The following KLHL32 variants were observed in gnomAD, a reference collection of about 807,000 sequenced individuals.
The protein encoded by KLHL32 is kelch like family member 32, also known as kelch-like protein 32.
A neutral mutation model predicts 64.8 loss-of-function variants in KLHL32; 35 were observed. The observed-to-expected ratio is 0.54, with a 90% confidence interval of 0.41 to 0.72. The LOEUF is 0.72. Ranked by LOEUF, KLHL32 falls within the 30% of genes least tolerant of loss-of-function variation. The pLI is 0.00. For missense variants in KLHL32, 589 were observed against 768.5 expected (o/e 0.77, Z 2.76); for synonymous variants, 259 against 281.0 (o/e 0.92, Z 0.78).
intron 1 of KLHL32, among the ~76,000 whole-genome samples, chr6:96,930,400 A>G (rs1769714616): frequency 6.6e-6 from 1 of 152,216 alleles, no homozygotes; most frequent in African/African-American, 2.4e-5. Context: ...GTCCAGTTAC[A>G]TATCCCCTCT....
intron 4 of KLHL32, among the ~76,000 whole-genome samples, chr6:97,045,886 C>T (rs753259442): frequency 2.0e-5 from 3 of 152,048 alleles, no homozygotes; most frequent in Non-Finnish European, 2.9e-5. Flanking sequence ...ATCCCATTGC[C>T]CAGGAGTCAT....
At chr6:97,028,370 C>T (rs771228841) in intron 3 of KLHL32, among the ~76,000 whole-genome samples, 2 of 152,180 alleles carry the variant, frequency 1.3e-5, no homozygotes, top group Non-Finnish European at 1.5e-5. Context: ...TTCTTACACA[C>T]ACCCAGCACA....
Position 97,064,012 on chromosome 6 carries a change from T to C in KLHL32, c.313-616T>C, listed in dbSNP as rs191003008. Among the ~76,000 whole-genome samples, 277 of 152,314 alleles carry C rather than the reference T, an allele frequency of 1.8e-3. 2 individuals carry two copies. The highest frequency in any genetic ancestry group is 6.3e-3 in the African/African-American group (262 of 41,562). On this transcript the variant is annotated intron_variant, in intron 4 of 10. Coordinates refer to ENST00000369261, the MANE Select transcript of KLHL32 (RefSeq NM_052904.4). ...ATACTTGGGAGGCATTACCTCTATG[T>C]GATGTCTTTGTATTCTGAAAATGCT... is the stretch of plus-strand genomic sequence containing the variant.
the KLHL32 span, among the ~76,000 whole-genome samples, chr6:96,905,599 T>C: frequency 2.6e-5 from 4 of 152,224 alleles, no homozygotes; most frequent in Non-Finnish European, 5.9e-5. Flanking sequence ...AAAATGGAAA[T>C]ATAACAATAC....
chr6:97,119,060 T>C, intron 7 of KLHL32, among the ~76,000 whole-genome samples: 1 of 152,210 alleles, frequency 6.6e-6, no homozygotes, highest in East Asian at 1.9e-4. Context: ...TTGAACTTCA[T>C]GGTCCAATCA....
chr6:97,137,485 C>A (rs772718713), intron 10 of KLHL32, among the ~76,000 whole-genome samples: 16 of 152,036 alleles, frequency 1.1e-4, no homozygotes, highest in Non-Finnish European at 1.9e-4. Context: ...AACATGGATC[C>A]CCAAATTTCA....
At chr6:97,064,800 C>T (rs1020652364) in intron 5 of KLHL32, 74 bp downstream of exon 5, 1 of 1,233,892 alleles carries the variant, frequency 8.1e-7, no homozygotes, top group African/African-American at 1.5e-5. Flanking sequence ...CCCCCAACAA[C>T]TGGAGCTGAA....
chr6:97,118,800 G>A (rs549080558), intron 7 of KLHL32, among the ~76,000 whole-genome samples: 4 of 152,020 alleles, frequency 2.6e-5, no homozygotes, highest in Admixed American at 6.5e-5. Flanking sequence ...GTCCTGTTCC[G>A]GGATAGTGCT....
intron 4 of KLHL32, among the ~76,000 whole-genome samples, chr6:97,058,737 GTAGACA>G (rs1228022458): frequency 1.3e-5 from 2 of 152,198 alleles, no homozygotes; most frequent in African/African-American, 4.8e-5. Flanking sequence ...TGCTTTGAAT[GTAGACA>G]TAATGCCTGG....
chr6:96,965,313 T>C (rs1377221108), intron 1 of KLHL32, among the ~76,000 whole-genome samples: 1 of 152,220 alleles, frequency 6.6e-6, no homozygotes, highest in Non-Finnish European at 1.5e-5. Flanking sequence ...CTTTGTAGTA[T>C]ATAGCGGATT....
chr6:97,080,926 A>G (rs1792399573), intron 5 of KLHL32, among the ~76,000 whole-genome samples: 1 of 152,282 alleles, frequency 6.6e-6, no homozygotes, highest in Non-Finnish European at 1.5e-5. Context: ...GGGAAACACA[A>G]TTCCTATCCC....
intron 1 of KLHL32, among the ~76,000 whole-genome samples, chr6:96,949,240 CTT>C (rs1273802562): frequency 6.6e-6 from 1 of 152,150 alleles, no homozygotes; most frequent in Non-Finnish European, 1.5e-5. Flanking sequence ...GAATTAATAA[CTT>C]TTCAAATGGA....
rs146503529 is a variant in KLHL32, at chr6:97,053,083, TAC to T, written c.312+11503_312+11504del. Among the ~76,000 whole-genome samples the T allele has an allele frequency of 1.3e-3, 192 of 149,112 alleles. 1 individual carries two copies. The highest frequency in any genetic ancestry group is 2.0e-3 in the Non-Finnish European group (131 of 66,886). The stretch of plus-strand genomic sequence containing the variant: ...CACTTATAATAGTTATGAGGATGGA[TAC>T]ACACACACACACACACACGCACACA... On this transcript the variant is annotated intron_variant, in intron 4 of 10. Transcript: ENST00000369261.
At chr6:97,121,309 T>G (rs1013918934) in intron 7 of KLHL32, among the ~76,000 whole-genome samples, 1 of 152,152 alleles carries the variant, frequency 6.6e-6, no homozygotes, top group Non-Finnish European at 1.5e-5. Context: ...AAATAGATGC[T>G]TAAATTGTAA....
intron 6 of KLHL32, among the ~76,000 whole-genome samples, chr6:97,086,428 C>T (rs1793420234): frequency 1.3e-5 from 2 of 152,144 alleles, no homozygotes; most frequent in African/African-American, 2.4e-5. Flanking sequence ...AATTAAAGAG[C>T]TGCAGCGTCC....
At chr6:97,134,849 G>T (rs563941158) in intron 10 of KLHL32, among the ~76,000 whole-genome samples, 1 of 152,082 alleles carries the variant, frequency 6.6e-6, no homozygotes. Flanking sequence ...GTAAGACATA[G>T]AAACTTAAAT....
the KLHL32 span, among the ~76,000 whole-genome samples, chr6:96,911,824 C>CTTTTTTTTTTGTTTTTTTTTT: frequency 1.8e-5 from 1 of 54,080 alleles, no homozygotes; most frequent in Non-Finnish European, 3.4e-5. Context: ...CTCGGTCCTT[C>CTTTTTTTTTTGTTTTTTTTTT]TTTTTTTTTT....
intron 3 of KLHL32, among the ~76,000 whole-genome samples, chr6:97,008,582 C>A (rs1265040077): frequency 6.6e-6 from 1 of 152,136 alleles, no homozygotes; most frequent in Non-Finnish European, 1.5e-5. Flanking sequence ...CCTCTCCTGG[C>A]AGCTCTCCCT....
rs1785108734 is a variant in KLHL32, at chr6:97,041,488, T to A, written c.205-4T>A. 5.6e-6 allele frequency: 9 copies of A among 1,603,592 alleles called. No homozygotes were observed. Among genetic ancestry groups the A allele is most frequent in the Non-Finnish European group, 7.7e-6 (9 of 1,170,430 alleles). ...AACTGTCTTTCTCCCTTTCCTCACC[T>A]CAGGCAATGTTCAGTCTTTGTATGG... On this transcript the variant is annotated splice_polypyrimidine_tract_variant and splice_region_variant and intron_variant, in intron 3 of 10. Coordinates refer to ENST00000369261, the MANE Select transcript of KLHL32 (RefSeq NM_052904.4).
Sources: gnomAD v4.1 joint callset for allele counts (sites outside exome capture counted in the v4.1 genomes callset) on GRCh38, gnomAD v4.1.1 for gene constraint, MANE v1.5 for transcripts, NCBI Gene and HGNC (gene_info 2026-07-23, HGNC 2026-07-21) for gene names.